WWOX: variants seen among roughly 807,000 people sequenced by gnomAD.
WWOX encodes WW domain containing oxidoreductase.
WWOX carries 69 observed loss-of-function variants against 46.2 expected under a neutral mutation model. The observed-to-expected ratio is 1.49, with a 90% CI of 1.23 to 1.82. The LOEUF (loss-of-function observed/expected upper bound fraction) is 1.82, where lower values mean the gene tolerates loss of function less well. Among genes scored for constraint, WWOX ranks in the 40% most tolerant of loss-of-function variants. The pLI is 0.00. For synonymous variants in WWOX, 359 were observed against 202.6 expected (o/e 1.77, Z -6.56); for missense variants, 919 against 542.6 (o/e 1.69, Z -6.89).
chr16:79,145,479 G>T (rs542994735), intron 8 of WWOX, among the ~76,000 whole-genome samples: 23 of 152,146 alleles, frequency 1.5e-4, no homozygotes, highest in Non-Finnish European at 3.1e-4. Flanking sequence ...TGAGATTACA[G>T]TTATGAGCCA....
intron 8 of WWOX, chr16:78,892,384 C>T (rs967010928): frequency 9.2e-5 from 14 of 152,320 alleles, no homozygotes; most frequent in African/African-American, 1.9e-4. Flanking sequence ...TGATGAGATG[C>T]CTTCGAGAAA....
chr16:78,654,568 G>A (rs189125574), intron 8 of WWOX, among the ~76,000 whole-genome samples: 81 of 152,186 alleles, frequency 5.3e-4, no homozygotes, highest in African/African-American at 1.9e-3. Flanking sequence ...TTCAGATTCT[G>A]ATTTCTCCGT....
chr16:78,852,844 CT>C (rs775156882), intron 8 of WWOX, among the ~76,000 whole-genome samples: 1 of 152,160 alleles, frequency 6.6e-6, no homozygotes, highest in Non-Finnish European at 1.5e-5. Context: ...TGGGCAGAAA[CT>C]TTTATACAGT....
chr16:78,375,515 C>G (rs149856968), intron 5 of WWOX, among the ~76,000 whole-genome samples: 15 of 152,200 alleles, frequency 9.9e-5, no homozygotes, highest in Non-Finnish European at 1.8e-4. Context: ...GTATTAGAGA[C>G]ACAGATATGA....
chr16:79,070,925 T>G (rs1020245051), intron 8 of WWOX, among the ~76,000 whole-genome samples: 3 of 152,158 alleles, frequency 2.0e-5, no homozygotes, highest in Non-Finnish European at 4.4e-5. Flanking sequence ...ACAGAACATT[T>G]TGACAATACA....
chr16:78,663,799 A>G (rs919568511), intron 8 of WWOX, among the ~76,000 whole-genome samples: 1 of 152,168 alleles, frequency 6.6e-6, no homozygotes, highest in Non-Finnish European at 1.5e-5. Flanking sequence ...CCATGCAAAG[A>G]CCTCAGCAAA....
intron 8 of WWOX, among the ~76,000 whole-genome samples, chr16:78,812,159 T>C (rs1055007675): frequency 2.6e-5 from 4 of 152,026 alleles, no homozygotes; most frequent in African/African-American, 9.7e-5. Flanking sequence ...TGGCAATGCA[T>C]AGGAACTAGG....
intron 4 of WWOX, among the ~76,000 whole-genome samples, chr16:78,142,492 TCA>T (rs2034022267): frequency 1.3e-5 from 2 of 152,236 alleles, no homozygotes; most frequent in South Asian, 4.1e-4. Context: ...CTTGTCATTC[TCA>T]CAGTTATATT....
chr16:79,040,047 C>A (rs192920068), intron 8 of WWOX, among the ~76,000 whole-genome samples: 6 of 152,302 alleles, frequency 3.9e-5, no homozygotes, highest in Non-Finnish European at 8.8e-5. Flanking sequence ...CATCACCCTG[C>A]TGTGCCTCAG....
At chr16:79,133,378 A>G (rs1232130462) in intron 8 of WWOX, among the ~76,000 whole-genome samples, 1 of 152,182 alleles carries the variant, frequency 6.6e-6, no homozygotes, top group Admixed American at 6.5e-5. Context: ...TCAGTTCCTT[A>G]AATGGGAGCA....
chr16:78,372,023 C>T (rs1477710173), intron 5 of WWOX, among the ~76,000 whole-genome samples: 1 of 152,090 alleles, frequency 6.6e-6, no homozygotes, highest in African/African-American at 2.4e-5. Flanking sequence ...AGTGTACCTC[C>T]CTTAGATTTA....
At chr16:78,810,530 A>G (rs2051161178) in intron 8 of WWOX, among the ~76,000 whole-genome samples, 1 of 152,260 alleles carries the variant, frequency 6.6e-6, no homozygotes, top group African/African-American at 2.4e-5. Flanking sequence ...GCTGTTAACA[A>G]AATAAATTAA....
intron 8 of WWOX, among the ~76,000 whole-genome samples, chr16:78,455,570 G>T (rs2083794727): frequency 6.8e-6 from 1 of 147,362 alleles, no homozygotes; most frequent in African/African-American, 2.6e-5. Context: ...TTGAACCTGG[G>T]AGTAGGAGGC....
At chr16:78,971,399 G>T (rs2046465694) in intron 8 of WWOX, among the ~76,000 whole-genome samples, 1 of 144,328 alleles carries the variant, frequency 6.9e-6, no homozygotes, top group Non-Finnish European at 1.5e-5. Flanking sequence ...AGGTTGCAGT[G>T]AGCCAAGGTC....
intron 8 of WWOX, among the ~76,000 whole-genome samples, chr16:79,012,167 C>T (rs182668947): frequency 2.4e-4 from 37 of 152,236 alleles, no homozygotes; most frequent in South Asian, 6.2e-4. Flanking sequence ...CTATCTCTGC[C>T]CTGTCCAGTA....
intron 8 of WWOX, among the ~76,000 whole-genome samples, chr16:78,914,959 G>A (rs925268908): frequency 2.0e-5 from 3 of 150,960 alleles, no homozygotes; most frequent in African/African-American, 7.3e-5. Flanking sequence ...TGGAGAGACA[G>A]AGAATCAGTT....
chr16:79,068,253 C>G (rs557289837), intron 8 of WWOX, among the ~76,000 whole-genome samples: 9 of 152,156 alleles, frequency 5.9e-5, no homozygotes, highest in African/African-American at 2.2e-4. Context: ...CTAAGAATGC[C>G]ATGACTGTGT....
At chr16:78,918,382 C>T (rs540533805) in intron 8 of WWOX, among the ~76,000 whole-genome samples, 2 of 152,252 alleles carry the variant, frequency 1.3e-5, no homozygotes, top group South Asian at 2.1e-4. Flanking sequence ...CATGAAACCT[C>T]TCTCCTTTCC....
chr16:78,761,642 G>T (rs2049797354), intron 8 of WWOX, among the ~76,000 whole-genome samples: 1 of 152,030 alleles, frequency 6.6e-6, no homozygotes, highest in Admixed American at 6.6e-5. Context: ...GGTTCTTTGT[G>T]ACATCTGGGC....
Sources: allele counts gnomAD v4.1 joint callset (sites outside exome capture counted in the v4.1 genomes callset), GRCh38; gene constraint gnomAD v4.1.1; transcripts MANE v1.5; gene names NCBI Gene and HGNC (gene_info 2026-07-23, HGNC 2026-07-21).